DOC2B: variants seen among roughly 807,000 people sequenced by gnomAD.
DOC2B encodes double C2-like domain-containing protein beta.
DOC2B carries 21 observed loss-of-function variants against 28.9 expected under a neutral mutation model. That is an observed-to-expected ratio of 0.73 (90% CI 0.52 to 1.05). DOC2B has a LOEUF of 1.05. Ranked by LOEUF, DOC2B falls within the 50% of genes least tolerant of loss-of-function variation. The probability of loss-of-function intolerance (pLI) is 0.00; values close to 1 mark genes in which losing one functional copy is unlikely to be tolerated. For synonymous variants in DOC2B, 194 were observed against 178.1 expected (o/e 1.09, Z -0.71); for missense variants, 384 against 421.1 (o/e 0.91, Z 0.77).
chr17:166,611 C>A (rs892089719), intron 2 of DOC2B, among the ~76,000 whole-genome samples: 1 of 152,104 alleles, frequency 6.6e-6, no homozygotes, highest in African/African-American at 2.4e-5. Context: ...CTGTTCTTGA[C>A]GTAGTGAATA....
chr17:166,052 G>A (rs368093344), intron 2 of DOC2B, among the ~76,000 whole-genome samples: 3 of 152,110 alleles, frequency 2.0e-5, no homozygotes, highest in Admixed American at 6.5e-5. Context: ...GTCGAGGGGC[G>A]CTGTCATGCT....
intron 5 of DOC2B, among the ~76,000 whole-genome samples, chr17:156,600 G>A (rs1360645021): frequency 2.6e-5 from 4 of 152,228 alleles, no homozygotes; most frequent in Non-Finnish European, 5.9e-5. Flanking sequence ...GTTCTTGGCT[G>A]CATGTGGCCT....
chr17:150,161 C>T (rs1567526115), intron 6 of DOC2B, among the ~76,000 whole-genome samples: 1 of 152,216 alleles, frequency 6.6e-6, no homozygotes, highest in Non-Finnish European at 1.5e-5. Flanking sequence ...ACAGGGAGGT[C>T]ATGTGCAGGC....
chr17:162,268 G>A, intron 3 of DOC2B, 78 bp from the exon 4 acceptor site: 2 of 1,046,118 alleles, frequency 1.9e-6, no homozygotes, highest in Non-Finnish European at 2.9e-6. Flanking sequence ...ATGGCCACGT[G>A]CTCATCTTGG....
intron 6 of DOC2B, among the ~76,000 whole-genome samples, chr17:149,641 G>C (rs2040051836): frequency 6.6e-6 from 1 of 152,072 alleles, no homozygotes. Flanking sequence ...GAGTAGCTGG[G>C]ACTACAGGCA....
At chr17:179,054 C>T (rs1435497818) in intron 1 of DOC2B, among the ~76,000 whole-genome samples, 1 of 152,348 alleles carries the variant, frequency 6.6e-6, no homozygotes, top group African/African-American at 2.4e-5. Flanking sequence ...GGTGGGGCCC[C>T]CCTCGAAGGG....
intron 6 of DOC2B, among the ~76,000 whole-genome samples, chr17:154,129 A>G (rs541710263): frequency 6.6e-6 from 1 of 151,430 alleles, no homozygotes; most frequent in Non-Finnish European, 1.5e-5. Context: ...ACTCCTTCTT[A>G]GGGCTGATAT....
chr17:181,261 G>C lies in DOC2B; in HGVS notation c.219C>G (p.Ser73=), dbSNP rs1597841106. The C allele has an allele frequency of 8.3e-7, 1 of 1,210,342 alleles. No individual in the cohort carries two copies. Among genetic ancestry groups the C allele is most frequent in the African/African-American group, 1.6e-5 (1 of 63,288 alleles). 75.0% of individuals were successfully genotyped at this position (1,210,342 alleles called of 1,614,324 possible). Residue 73 remains serine, a synonymous_variant, in exon 1 of 9, where the codon TCC becomes TCG. Coordinates refer to ENST00000613549, the MANE Select transcript of DOC2B (RefSeq NM_003585.5). This position sits in a 1 kb window ranked among gnomAD's most constrained non-coding sequence, Gnocchi z 7.0. ...CCTCGTCGTCCTCGCGGGCGCCGTC[G>C]GAGGGGCTGCGGCGGCCGGCACCGG... The part of the protein sequence containing the change: ...AVAGAGRRSP[S]DGAREDDEDV...
At chr17:148,035 C>T in intron 8 of DOC2B, 138 bp downstream of exon 8, 1 of 396,340 alleles carries the variant, frequency 2.5e-6, no homozygotes, top group Non-Finnish European at 4.4e-6. Flanking sequence ...AAGGGTCAGG[C>T]TGGAGAAGGT....
At chr17:154,402 ACGCACC>A (rs1555522175) in intron 6 of DOC2B, among the ~76,000 whole-genome samples, 6 of 149,950 alleles carry the variant, frequency 4.0e-5, no homozygotes, top group Non-Finnish European at 8.9e-5. Flanking sequence ...CTGATATTCC[ACGCACC>A]TGCTACACTC....
chr17:149,485 G>A (rs2040049647), intron 6 of DOC2B, among the ~76,000 whole-genome samples: 1 of 152,126 alleles, frequency 6.6e-6, no homozygotes, highest in African/African-American at 2.4e-5. Flanking sequence ...ATTTCTGGAA[G>A]TCTAATTTTC....
intron 6 of DOC2B, among the ~76,000 whole-genome samples, chr17:151,597 G>A (rs2040072788): frequency 6.6e-6 from 1 of 152,172 alleles, no homozygotes; most frequent in Non-Finnish European, 1.5e-5. Flanking sequence ...CCGCCACCCG[G>A]AGACAGCGGA....
intron 5 of DOC2B, among the ~76,000 whole-genome samples, chr17:158,440 A>G (rs903880962): frequency 6.6e-6 from 1 of 151,914 alleles, no homozygotes; most frequent in African/African-American, 2.4e-5. Context: ...GCTACATCTA[A>G]CCCTTTCTGG....
intron 1 of DOC2B, among the ~76,000 whole-genome samples, chr17:176,851 G>T (rs1023550873): frequency 6.6e-6 from 1 of 152,202 alleles, no homozygotes; most frequent in Non-Finnish European, 1.5e-5. Context: ...TCACCCGCTT[G>T]TCGATAATTA....
At chr17:162,237 A>AC in intron 3 of DOC2B, 47 bp from the exon 4 acceptor site, 2 of 1,409,744 alleles carry the variant, frequency 1.4e-6, no homozygotes, top group Non-Finnish European at 2.0e-6. Flanking sequence ...TGTGTATCAA[A>AC]CAGAACAATG....
At position 147,264 on chromosome 17, in the gene DOC2B, C is replaced by G. The variant is rs2040026243; in HGVS notation, c.*177G>C. Reference sequence around the variant, plus strand: ...ACCCCAGCTCCTTGCCCTCCCCGTCCCAGAGTGGCTGAGCCCTCCACATCC... The same window carrying G: ...ACCCCAGCTCCTTGCCCTCCCCGTCGCAGAGTGGCTGAGCCCTCCACATCC... On this transcript the variant is annotated 3_prime_UTR_variant, in exon 9 of 9. Coordinates refer to ENST00000613549, the MANE Select transcript of DOC2B (RefSeq NM_003585.5). The G allele has an allele frequency of 2.5e-6, 1 of 395,822 alleles. No individual in the cohort carries two copies. Among genetic ancestry groups the G allele is most frequent in the Non-Finnish European group, 4.4e-6 (1 of 224,780 alleles). 24.5% of individuals were successfully genotyped at this position (395,822 alleles called of 1,614,324 possible). A position where few individuals can be genotyped will look rare whatever the true frequency, so the allele number is the denominator to read the frequency against.
chr17:164,308 A>G, intron 2 of DOC2B, 104 bp from the exon 3 acceptor site: 1 of 890,056 alleles, frequency 1.1e-6, no homozygotes, highest in South Asian at 1.5e-5. Context: ...GGGCCCATTC[A>G]TGGCCCCTTT....
At chr17:156,121 T>C in intron 6 of DOC2B, 99 bp downstream of exon 6, 1 of 1,358,132 alleles carries the variant, frequency 7.4e-7, no homozygotes, top group Non-Finnish European at 9.8e-7. Context: ...CCTCAGGCAC[T>C]CCCTGGGTGC....
chr17:147,481 G>A lies in DOC2B; in HGVS notation c.1199C>T (p.Thr400Met), dbSNP rs1490693143. ...NKDKRIERWH[T>M]LTSELPGAVL... ...AGCCCCTGGGAGCTCGCTGGTGAGCGTGTGCCAGCGCTCGATGCGCTTGTC... is the reference window on the plus strand; with the variant it reads ...AGCCCCTGGGAGCTCGCTGGTGAGCATGTGCCAGCGCTCGATGCGCTTGTC... The change falls in exon 9 of 9, where the codon ACG becomes ATG. Residue 400 changes from threonine (T) to methionine (M), a missense_variant. Transcript: ENST00000613549. The A allele has an allele frequency of 1.8e-5, 7 of 398,688 alleles. No individual in the cohort carries two copies. The highest frequency in any genetic ancestry group is 3.6e-5 in the East Asian group (1 of 28,080). The allele number at this position is 398,688 out of a possible 1,614,324, so 24.7% of individuals were successfully genotyped here.
Sources: allele counts gnomAD v4.1 joint callset (sites outside exome capture counted in the v4.1 genomes callset), GRCh38; gene constraint gnomAD v4.1.1; non-coding constraint Gnocchi (gnomAD v3.1); transcripts MANE v1.5; gene names NCBI Gene and HGNC (gene_info 2026-07-23, HGNC 2026-07-21).